NUMB: variants seen among roughly 807,000 people sequenced by gnomAD.
The protein encoded by NUMB is NUMB endocytic adaptor protein.
In NUMB, 29 loss-of-function variants were observed where a neutral mutation model predicts 59.7. That is an observed-to-expected ratio of 0.49 (90% CI 0.36 to 0.66). The LOEUF (loss-of-function observed/expected upper bound fraction) is 0.66, where lower values mean the gene tolerates loss of function less well. Among genes scored for constraint, NUMB ranks in the 30% least tolerant of loss-of-function variants. NUMB has a pLI of 0.00. For synonymous variants in NUMB, 288 were observed against 288.2 expected (o/e 1.00, Z 0.01); for missense variants, 723 against 822.0 (o/e 0.88, Z 1.47).
chr14:73,433,488 C>G (rs1278808639), intron 1 of NUMB, among the ~76,000 whole-genome samples: 1 of 152,114 alleles, frequency 6.6e-6, no homozygotes, highest in African/African-American at 2.4e-5. Flanking sequence ...CAATTTTCAT[C>G]AACTTCCTTT....
intron 1 of NUMB, among the ~76,000 whole-genome samples, chr14:73,446,158 G>A (rs1022596791): frequency 6.6e-6 from 1 of 151,490 alleles, no homozygotes; most frequent in African/African-American, 2.4e-5. Flanking sequence ...CACCACACCC[G>A]GCTAATTTTT....
Position 73,282,387 on chromosome 14 carries a change from C to T in NUMB, c.1068G>A (p.Val356=), listed in dbSNP as rs897622078. 1.9e-6 allele frequency: 3 copies of T among 1,614,058 alleles called. No homozygotes were observed. Among genetic ancestry groups the T allele is most frequent in the Admixed American group, 1.7e-5 (1 of 59,994 alleles). Residue 356 remains valine, a synonymous_variant, in exon 11 of 13, where the codon GTG becomes GTA. Coordinates refer to ENST00000555238, the MANE Select transcript of NUMB (RefSeq NM_001005743.2). The stretch of plus-strand genomic sequence containing the variant: ...GGAAGGTAGGAGATTGTGGTGCCAC[C>T]ACTGTCACTGGTTTGGTCATCGGAG... ...SSAPMTKPVT[V]VAPQSPTFQA... is the part of the protein sequence containing the mutation.
At chr14:73,353,069 C>CTTTTTTTTTTT (rs1566756859) in intron 4 of NUMB, among the ~76,000 whole-genome samples, 21 of 18,074 alleles carry the variant, frequency 1.2e-3, no homozygotes, top group Middle Eastern at 0.024. Context: ...CACAGTTTTT[C>CTTTTTTTTTTT]TTGTTTTTTT....
At chr14:73,312,972 A>C (rs1446109602) in intron 6 of NUMB, among the ~76,000 whole-genome samples, 2 of 148,098 alleles carry the variant, frequency 1.4e-5, no homozygotes, top group African/African-American at 5.0e-5. Context: ...TTATTTTTTC[A>C]CTCTACTAGT....
chr14:73,399,592 A>G (rs1896310760), intron 2 of NUMB, among the ~76,000 whole-genome samples: 1 of 152,060 alleles, frequency 6.6e-6, no homozygotes, highest in African/African-American at 2.4e-5. Context: ...TGCCAGAGAA[A>G]AAAAGGCTTA....
chr14:73,426,981 C>T (rs1391629473), intron 1 of NUMB, among the ~76,000 whole-genome samples: 5 of 151,862 alleles, frequency 3.3e-5, no homozygotes, highest in Non-Finnish European at 5.9e-5. Flanking sequence ...ACCACTGTAC[C>T]GCAGTCCAGT....
intron 1 of NUMB, among the ~76,000 whole-genome samples, chr14:73,417,160 A>G (rs1897162400): frequency 1.3e-5 from 2 of 151,998 alleles, no homozygotes; most frequent in African/African-American, 2.4e-5. Flanking sequence ...CCATCACTCA[A>G]TAAAACCTCT....
chr14:73,311,972 C>T (rs1890799099), intron 6 of NUMB, among the ~76,000 whole-genome samples: 2 of 152,190 alleles, frequency 1.3e-5, no homozygotes, highest in Admixed American at 1.3e-4. Context: ...TTTAAAAGCA[C>T]ATTCTGGGTA....
chr14:73,371,342 C>A (rs995409108), intron 2 of NUMB, among the ~76,000 whole-genome samples: 1 of 152,018 alleles, frequency 6.6e-6, no homozygotes, highest in African/African-American at 2.4e-5. Flanking sequence ...CGAGATCATC[C>A]TGGCCAACAT....
chr14:73,321,180 G>A (rs896590846), intron 5 of NUMB, among the ~76,000 whole-genome samples: 1 of 152,126 alleles, frequency 6.6e-6, no homozygotes, highest in Non-Finnish European at 1.5e-5. Flanking sequence ...TACTTACAGA[G>A]TGCACATGAA....
chr14:73,369,747 G>A (rs1894570457), intron 2 of NUMB, among the ~76,000 whole-genome samples: 1 of 152,194 alleles, frequency 6.6e-6, no homozygotes, highest in African/African-American at 2.4e-5. Context: ...ATTAAGGTAT[G>A]ACATATGTAG....
intron 2 of NUMB, among the ~76,000 whole-genome samples, chr14:73,406,094 T>TTTA (rs202128484): frequency 0.18 from 20,219 of 112,484 alleles, 1,683 homozygotes; most frequent in Non-Finnish European, 0.18. Context: ...ATATTTTTGT[T>TTTA]TTTTTTTTTT....
At chr14:73,420,428 G>T (rs1897306426) in intron 1 of NUMB, among the ~76,000 whole-genome samples, 2 of 152,130 alleles carry the variant, frequency 1.3e-5, no homozygotes, top group South Asian at 2.1e-4. Context: ...ATGTATAAGG[G>T]TGACTATTGA....
At chr14:73,400,096 A>G (rs1210127538) in intron 2 of NUMB, among the ~76,000 whole-genome samples, 1 of 152,156 alleles carries the variant, frequency 6.6e-6, no homozygotes, top group Non-Finnish European at 1.5e-5. Context: ...TAAGCAAGCA[A>G]GTGAGCTAGC....
Position 73,297,278 on chromosome 14 carries a change from T to C in NUMB, c.242A>G (p.Lys81Arg), listed in dbSNP as rs759035172. The change falls in exon 7 of 13, where the codon AAG becomes AGG. Residue 81 changes from lysine (K) to arginine (R), a missense_variant. Transcript: ENST00000555238. The stretch of plus-strand genomic sequence containing the variant: ...CCACAGAACTGCTTTAACTGCTTTC[T>C]TTCCAGTCTTTTAAGAGAAACCAAA... ...FFKGFFGKTG[K>R]KAVKAVLWVS... is the part of the protein sequence containing the mutation. 28 of 1,607,050 alleles carry C rather than the reference T, an allele frequency of 1.7e-5. No homozygotes were observed. The highest frequency in any genetic ancestry group is 2.3e-5 in the Non-Finnish European group (27 of 1,173,898).
chr14:73,451,294 A>C (rs1487858756), intron 1 of NUMB, among the ~76,000 whole-genome samples: 1 of 151,324 alleles, frequency 6.6e-6, no homozygotes, highest in African/African-American at 2.4e-5. Flanking sequence ...AAAACTAGCC[A>C]GGTGTGGTGG....
intron 1 of NUMB, among the ~76,000 whole-genome samples, chr14:73,413,251 T>A (rs1896974479): frequency 6.6e-6 from 1 of 151,108 alleles, no homozygotes. Flanking sequence ...CACGCCCAGC[T>A]AATTTTTGTA....
At chr14:73,407,920 G>GT (rs1399527398) in intron 2 of NUMB, among the ~76,000 whole-genome samples, 1 of 152,178 alleles carries the variant, frequency 6.6e-6, no homozygotes, top group Non-Finnish European at 1.5e-5. Flanking sequence ...TAACTTTGCA[G>GT]TTTTCTCATC....
chr14:73,415,181 G>C (rs1897073681), intron 1 of NUMB, among the ~76,000 whole-genome samples: 1 of 102,524 alleles, frequency 9.8e-6, no homozygotes, highest in African/African-American at 4.4e-5. Flanking sequence ...TTCTTTAACA[G>C]ACTGTAGTGC....
Sources: gnomAD v4.1 joint callset for allele counts (sites outside exome capture counted in the v4.1 genomes callset) on GRCh38, gnomAD v4.1.1 for gene constraint, MANE v1.5 for transcripts, NCBI Gene and HGNC (gene_info 2026-07-23, HGNC 2026-07-21) for gene names.